PTPRQ: variants seen among roughly 807,000 people sequenced by gnomAD.
PTPRQ encodes protein tyrosine phosphatase receptor type Q.
PTPRQ carries 199 observed loss-of-function variants against 246.0 expected under a neutral mutation model. That is an observed-to-expected ratio of 0.81 (90% CI 0.72 to 0.91). The LOEUF is 0.91. Among genes scored for constraint, PTPRQ ranks in the 40% least tolerant of loss-of-function variants. The pLI is 0.00. For synonymous variants in PTPRQ, 869 were observed against 853.2 expected (o/e 1.02, Z -0.32); for missense variants, 2,624 against 2,528.4 (o/e 1.04, Z -0.81).
chr12:80,493,238 T>A (rs747836640), intron 9 of PTPRQ, 37 bp from the exon 10 acceptor site: 1 of 1,387,014 alleles, frequency 7.2e-7, no homozygotes, highest in South Asian at 1.9e-5. Flanking sequence ...GAAGTGTAAC[T>A]GTCACAGTCT....
chr12:80,484,231 T>C (rs1173616945), intron 8 of PTPRQ, among the ~76,000 whole-genome samples: 3 of 152,076 alleles, frequency 2.0e-5, no homozygotes, highest in African/African-American at 7.2e-5. Flanking sequence ...GGTCTCGAAC[T>C]CCTTACCTCA....
At chr12:80,454,544 G>A in intron 3 of PTPRQ, 2 of 702,352 alleles carry the variant, frequency 2.8e-6, no homozygotes, top group Non-Finnish European at 5.2e-6. Flanking sequence ...TACTTTTGTT[G>A]CATTTCTTAG....
At chr12:80,575,866 A>G (rs184290040) in intron 25 of PTPRQ, among the ~76,000 whole-genome samples, 2,971 of 151,182 alleles carry the variant, frequency 0.02, 92 homozygotes, top group African/African-American at 0.067. Context: ...AAGAAAAAAG[A>G]AAAAGAAAAA....
chr12:80,501,039 G>A (rs1223242471), intron 14 of PTPRQ, among the ~76,000 whole-genome samples: 2 of 151,880 alleles, frequency 1.3e-5, no homozygotes, highest in Non-Finnish European at 2.9e-5. Flanking sequence ...GGATGAGGAT[G>A]AAAAGTGTTC....
At chr12:80,526,989 C>G (rs1284845490) in intron 17 of PTPRQ, among the ~76,000 whole-genome samples, 1 of 152,024 alleles carries the variant, frequency 6.6e-6, no homozygotes, top group African/African-American at 2.4e-5. Flanking sequence ...TAAAAAGCCT[C>G]TACTAAAAGA....
chr12:80,488,466 C>A (rs970805829), intron 9 of PTPRQ, among the ~76,000 whole-genome samples: 9 of 151,960 alleles, frequency 5.9e-5, no homozygotes, highest in Non-Finnish European at 1.3e-4. Context: ...GTTTAAGTAA[C>A]CTAACTCTTC....
chr12:80,574,410 T>C (rs1237386820), intron 25 of PTPRQ, among the ~76,000 whole-genome samples: 1 of 152,190 alleles, frequency 6.6e-6, no homozygotes, highest in Non-Finnish European at 1.5e-5. Flanking sequence ...TTAAACTTAG[T>C]ATTAATTTAC....
intron 8 of PTPRQ, 127 bp downstream of exon 8, chr12:80,472,378 C>T (rs1384836893): frequency 7.7e-7 from 1 of 1,291,556 alleles, no homozygotes; most frequent in African/African-American, 1.5e-5. Context: ...TATTAAATTA[C>T]TACCTAATTC....
At chr12:80,623,949 A>G (rs1025261206) in intron 33 of PTPRQ, among the ~76,000 whole-genome samples, 1 of 152,170 alleles carries the variant, frequency 6.6e-6, no homozygotes, top group African/African-American at 2.4e-5. Context: ...ATCCAGCACT[A>G]TAAGTAATCT....
chr12:80,448,143 TG>T (rs77146600), intron 3 of PTPRQ, among the ~76,000 whole-genome samples: 1 of 152,134 alleles, frequency 6.6e-6, no homozygotes, highest in East Asian at 1.9e-4. Flanking sequence ...TTATTTTTTT[TG>T]TGGCTATCGT....
chr12:80,625,039 G>C (rs1271938734), intron 33 of PTPRQ, among the ~76,000 whole-genome samples: 1 of 152,156 alleles, frequency 6.6e-6, no homozygotes, highest in African/African-American at 2.4e-5. Flanking sequence ...AGAGTTCTTA[G>C]TAAAAGAACA....
intron 30 of PTPRQ, among the ~76,000 whole-genome samples, chr12:80,619,116 T>G (rs1399061821): frequency 6.6e-6 from 1 of 151,490 alleles, no homozygotes; most frequent in African/African-American, 2.4e-5. Flanking sequence ...CATGTATAAA[T>G]TGAATTTTTA....
chr12:80,622,000 T>C, intron 32 of PTPRQ, 61 bp from the exon 33 acceptor site: 1 of 1,101,308 alleles, frequency 9.1e-7, no homozygotes, highest in Middle Eastern at 2.3e-4. Context: ...ACTTCTTGAG[T>C]TATTCATAGG....
chr12:80,539,165 A>G (rs1896075299), intron 19 of PTPRQ, among the ~76,000 whole-genome samples: 1 of 152,062 alleles, frequency 6.6e-6, no homozygotes, highest in Non-Finnish European at 1.5e-5. Context: ...GAAAAATGCA[A>G]CTAGGAGTCA....
At chr12:80,676,844 C>G (rs80193990) in intron 43 of PTPRQ, among the ~76,000 whole-genome samples, 1 of 152,016 alleles carries the variant, frequency 6.6e-6, no homozygotes, top group Non-Finnish European at 1.5e-5. Flanking sequence ...AGTTTTTTGT[C>G]GGGCATTTTA....
chr12:80,514,327 T>C (rs1439116960), intron 17 of PTPRQ, among the ~76,000 whole-genome samples: 1 of 149,186 alleles, frequency 6.7e-6, no homozygotes, highest in African/African-American at 2.5e-5. Flanking sequence ...GATGTGTAAA[T>C]GGAACGTAGA....
intron 25 of PTPRQ, among the ~76,000 whole-genome samples, chr12:80,575,648 T>G (rs1377261624): frequency 5.3e-5 from 8 of 151,624 alleles, no homozygotes; most frequent in Admixed American, 4.6e-4. Flanking sequence ...GAGACCAGCC[T>G]GGCCAACATG....
chr12:80,659,503 A>G (rs541446087), intron 39 of PTPRQ, among the ~76,000 whole-genome samples: 17 of 152,230 alleles, frequency 1.1e-4, no homozygotes, highest in African/African-American at 3.9e-4. Context: ...GTAGATACAA[A>G]TCAACAGCTC....
At chr12:80,618,769 G>A (rs1898862883) in intron 30 of PTPRQ, among the ~76,000 whole-genome samples, 1 of 151,248 alleles carries the variant, frequency 6.6e-6, no homozygotes, top group African/African-American at 2.4e-5. Context: ...CTCTGTACCT[G>A]GTCACTTGGA....
Sources: gnomAD v4.1 joint callset for allele counts (sites outside exome capture counted in the v4.1 genomes callset) on GRCh38, gnomAD v4.1.1 for gene constraint, MANE v1.5 for transcripts, NCBI Gene and HGNC (gene_info 2026-07-23, HGNC 2026-07-21) for gene names.